LPA: variants seen among roughly 807,000 people sequenced by gnomAD.
The protein encoded by LPA is lipoprotein(a).
Under a neutral mutation model 197.9 loss-of-function variants are expected in LPA, and 199 were observed. That is an observed-to-expected ratio of 1.01 (90% CI 0.90 to 1.13). LPA has a LOEUF of 1.13. LPA is among the 50% of genes most tolerant of loss of function. LPA has a pLI of 0.00. For synonymous variants in LPA, 715 were observed against 639.5 expected, an observed-to-expected ratio of 1.12 and a Z score of -1.78; for missense variants, 1,853 against 1,785.8, an observed-to-expected ratio of 1.04 and a Z score of -0.68.
chr6:160,647,792 G>A lies in LPA; in HGVS notation c.210-1397C>T, dbSNP rs552720185. 2.0e-5 allele frequency among the ~76,000 whole-genome samples: 3 copies of A among 152,088 alleles called. No individual in the cohort carries two copies. In the East Asian group the frequency reaches 5.8e-4, roughly 29 times the overall value. On this transcript the variant is annotated intron_variant, in intron 2 of 38. Coordinates refer to ENST00000316300, the MANE Select transcript of LPA (RefSeq NM_005577.4). ...TGTTCAAATTTTTACTTCTACATAT[G>A]GTAAAGTTAAATATATTGGTATCAT...
Position 160,577,244 on chromosome 6 carries a change from C to T in LPA, c.4523G>A (p.Arg1508Gln), listed in dbSNP as rs147235826. ...GGTGGAGGATATGCCTCGATAACTC[C>T]GTCCATCACCATGGTAGCAATCCTG... is the stretch of plus-strand genomic sequence containing the variant. ...VVQDCYHGDGRSYRGISSTTV... is the reference protein window; with the variant it reads ...VVQDCYHGDGQSYRGISSTTV... The change falls in exon 28 of 39, where the codon CGG (arginine) becomes CAG (glutamine). Residue 1508 changes from arginine to glutamine, a missense_variant. Transcript: ENST00000316300. The T allele has an allele frequency of 2.5e-5, 40 of 1,613,814 alleles. No homozygotes were observed. The African/African-American group carries it at 2.5e-4, about 10-fold the overall frequency.
Position 160,606,492 on chromosome 6 carries a change from C to A in LPA, c.2770G>T (p.Ala924Ser), listed in dbSNP as rs375318299. ...PTITPIPSLE[A>S]PSEQAPTEQR... ...GGCTCCTTACCTTGTTCAGAAGGAG[C>A]CTCTAGGCTTGGAATCGGGGTAATA... The change falls in exon 17 of 39, where the codon GCT becomes TCT. Residue 924 changes from alanine (A) to serine (S), a missense_variant. This residue lies in a region of LPA where 1,737 missense variants were observed against 1,504.4 expected (regional missense o/e 1.15). Coordinates refer to ENST00000316300, the MANE Select transcript of LPA (RefSeq NM_005577.4). 12 of 1,613,308 alleles carry A rather than the reference C, an allele frequency of 7.4e-6. No homozygotes were observed. The highest frequency in any genetic ancestry group is 4.0e-5 in the African/African-American group (3 of 74,872).
chr6:160,552,091 TTGTAGAGAGAGGGTCTCACTC>T (rs1283991005), intron 30 of LPA, among the ~76,000 whole-genome samples: 1 of 152,108 alleles, frequency 6.6e-6, no homozygotes, highest in African/African-American at 2.4e-5. Flanking sequence ...TGTTTATTTT[TTGTAGAGAGAGGGTCTCACTC>T]TGTTGCTAAG....
intron 37 of LPA, among the ~76,000 whole-genome samples, chr6:160,536,362 T>C (rs1413085135): frequency 1.3e-5 from 2 of 152,238 alleles, no homozygotes; most frequent in Non-Finnish European, 2.9e-5. Context: ...GAAAGAATCA[T>C]GTTAGATATA....
intron 23 of LPA, 72 bp downstream of exon 23, chr6:160,590,872 T>A: frequency 1.3e-6 from 2 of 1,592,692 alleles, no homozygotes; most frequent in South Asian, 2.2e-5. Context: ...AAGGCTTCTG[T>A]ATCACTAAGA....
At position 160,605,175 on chromosome 6, in the gene LPA, T is replaced by C. The variant is rs964131426; in HGVS notation, c.2816A>G (p.Glu939Gly). The change falls in exon 18 of 39, where the codon GAG becomes GGG. Residue 939 changes from glutamate to glycine, a missense_variant. Physicochemically the swap from Glu to Gly is moderately conservative, Grantham distance 98. Coordinates refer to ENST00000316300, the MANE Select transcript of LPA (RefSeq NM_005577.4). ...APTEQRPGVQ[E>G]CYHGNGQSYQ... ...ACTCTGTCCATTTCCGTGGTAGCAC[T>C]CCTGCACCCCAGGCCTTTGCTCAGT... 1.9e-6 allele frequency: 3 copies of C among 1,613,972 alleles called. No homozygotes were observed. The highest frequency in any genetic ancestry group is 2.5e-6 in the Non-Finnish European group (3 of 1,179,900).
intron 28 of LPA, among the ~76,000 whole-genome samples, chr6:160,575,992 C>T (rs143810196): frequency 5.5e-4 from 84 of 152,134 alleles, no homozygotes; most frequent in African/African-American, 1.9e-3. Context: ...TTCTTGGGCT[C>T]CATCTCTTTT....
intron 21 of LPA, 59 bp from the exon 22 acceptor site, chr6:160,594,176 A>C: frequency 6.2e-7 from 1 of 1,602,498 alleles, no homozygotes; most frequent in South Asian, 1.1e-5. Context: ...AAGCATCAGA[A>C]GAAATCTGTG....
rs1265455725 is a variant in LPA, at chr6:160,591,081, C to T, written c.3650G>A (p.Cys1217Tyr). The T allele has an allele frequency of 6.8e-6, 11 of 1,613,648 alleles. No homozygotes were observed. Among genetic ancestry groups the T allele is most frequent in the Non-Finnish European group, 9.3e-6 (11 of 1,179,908 alleles). ...ACTAATCTCAGCATCTGGATTCCTG[C>T]AGTAGTTCCTGGTCAGGCCACTGCA... Reference protein sequence around the residue: ...YPNGGLTRNYCRNPDAEISPW... With the variant: ...YPNGGLTRNYYRNPDAEISPW... The change falls in exon 23 of 39, where the codon TGC becomes TAC. Residue 1217 changes from cysteine (C) to tyrosine (Y), a missense_variant. Cys to Tyr is a radical substitution (Grantham distance 194, BLOSUM62 -2). Transcript: ENST00000316300.
Position 160,591,067 on chromosome 6 carries a change from C to A in LPA, c.3664G>T (p.Ala1222Ser), listed in dbSNP as rs376479688. 6.2e-7 allele frequency: 1 copy of A among 1,613,798 alleles called. No homozygotes were observed. Among genetic ancestry groups the A allele is most frequent in the African/African-American group, 1.3e-5 (1 of 74,922 alleles). ...GTATAACACCAAGGACTAATCTCAG[C>A]ATCTGGATTCCTGCAGTAGTTCCTG... is the stretch of plus-strand genomic sequence containing the variant. ...LTRNYCRNPDAEISPWCYTMD... is the reference protein window; with the variant it reads ...LTRNYCRNPDSEISPWCYTMD... Residue 1222 changes from alanine (A) to serine (S), a missense_variant, in exon 23 of 39, where the codon GCT (alanine) becomes TCT (serine). Coordinates refer to ENST00000316300, the MANE Select transcript of LPA (RefSeq NM_005577.4).
At chr6:160,565,132 T>G (rs1308840842) in intron 28 of LPA, among the ~76,000 whole-genome samples, 1 of 152,200 alleles carries the variant, frequency 6.6e-6, no homozygotes, top group Non-Finnish European at 1.5e-5. Context: ...CAGAAACTTC[T>G]GCAGACTTAA....
chr6:160,658,262 C>T (rs1026725867), intron 1 of LPA, among the ~76,000 whole-genome samples: 5 of 152,162 alleles, frequency 3.3e-5, no homozygotes, highest in Admixed American at 1.3e-4. Flanking sequence ...TTCCAGGGTC[C>T]CATTTTTTTC....
intron 32 of LPA, among the ~76,000 whole-genome samples, chr6:160,546,559 T>C (rs1778074928): frequency 6.6e-6 from 1 of 152,118 alleles, no homozygotes; most frequent in Non-Finnish European, 1.5e-5. Context: ...GAAAAACAGA[T>C]CTTTATCCAG....
intron 21 of LPA, 40 bp downstream of exon 21, chr6:160,595,314 A>T (rs1779108701): frequency 6.2e-7 from 1 of 1,608,150 alleles, no homozygotes; most frequent in East Asian, 2.2e-5. Context: ...TTTTCATCCC[A>T]ACGTCCTAGG....
At chr6:160,606,975 C>G (rs919049662) in intron 16 of LPA, among the ~76,000 whole-genome samples, 4 of 152,134 alleles carry the variant, frequency 2.6e-5, no homozygotes, top group Non-Finnish European at 5.9e-5. Context: ...ATCCATCTCT[C>G]TGGAATAACT....
chr6:160,608,941 T>A (rs749879001), intron 16 of LPA, among the ~76,000 whole-genome samples: 1 of 151,984 alleles, frequency 6.6e-6, no homozygotes, highest in Non-Finnish European at 1.5e-5. Context: ...AGTTTCCTAT[T>A]CAGAAATGTC....
At chr6:160,577,356 C>G in intron 27 of LPA, 61 bp from the exon 28 acceptor site, 1 of 1,482,970 alleles carries the variant, frequency 6.7e-7, no homozygotes, top group South Asian at 1.1e-5. Context: ...ACATGGGAGA[C>G]AATTTATGTC....
At chr6:160,663,648 A>G (rs1346267830) in intron 1 of LPA, among the ~76,000 whole-genome samples, 1 of 152,254 alleles carries the variant, frequency 6.6e-6, no homozygotes, top group African/African-American at 2.4e-5. Flanking sequence ...TAATTTCTCC[A>G]GGGATAAGAA....
intron 30 of LPA, among the ~76,000 whole-genome samples, chr6:160,553,954 T>TGTGTGTGTGCGCGCGC (rs771903485): frequency 2.3e-5 from 3 of 130,748 alleles, no homozygotes; most frequent in African/African-American, 9.1e-5. Context: ...TGTGTGTGTG[T>TGTGTGTGTGCGCGCGC]GCGCGCGCGC....
Sources: gnomAD v4.1 joint callset for allele counts (sites outside exome capture counted in the v4.1 genomes callset) on GRCh38, gnomAD v4.1.1 for gene constraint, gnomAD v4.1.1 regional missense constraint, MANE v1.5 for transcripts, NCBI Gene and HGNC (gene_info 2026-07-23, HGNC 2026-07-21) for gene names.